The following ENTPD5 variants were observed in gnomAD, a reference collection of about 807,000 sequenced individuals.
ENTPD5 encodes nucleoside diphosphate phosphatase ENTPD5.
A neutral mutation model predicts 60.2 loss-of-function variants in ENTPD5; 49 were observed. The ratio of observed to expected loss-of-function variants is 0.81; its 90% CI spans 0.65 to 1.03. The LOEUF is 1.03. Among genes scored for constraint, ENTPD5 ranks in the 50% least tolerant of loss-of-function variants. The probability of loss-of-function intolerance (pLI) is 0.00; values close to 1 mark genes in which losing one functional copy is unlikely to be tolerated. For missense variants in ENTPD5, 480 were observed against 507.6 expected (o/e 0.95, Z 0.52); for synonymous variants, 187 against 185.4 (o/e 1.01, Z -0.07).
chr14:73,958,667 C>A, downstream of ENTPD5: 21 of 1,318,010 alleles, frequency 1.6e-5, no homozygotes, highest in Non-Finnish European at 2.0e-5. Flanking sequence ...AACTATTCAG[C>A]TCCAGTGTGT....
rs1198181027 is a variant in ENTPD5 at position 73,964,730 on chromosome 14, T to G, written c.*2198A>C. The G allele has an allele frequency of 6.6e-6, 1 of 152,226 alleles. No homozygotes were observed. Among genetic ancestry groups the G allele is most frequent in the Middle Eastern group, 3.2e-3 (1 of 316 alleles). 9.4% of individuals were successfully genotyped at this position (152,226 alleles called of 1,614,324 possible). On this transcript the variant is annotated 3_prime_UTR_variant, in exon 16 of 16. Coordinates refer to ENST00000334696, the MANE Select transcript of ENTPD5 (RefSeq NM_001249.5). ...TTGTTGACAAAGATGGGAAGGGGTC[T>G]AAAAGTCATGTCACTTATAAAAGAA...
downstream of ENTPD5, chr14:73,958,695 T>C: frequency 1.5e-6 from 2 of 1,355,864 alleles, no homozygotes; most frequent in Non-Finnish European, 1.9e-6. Flanking sequence ...ACTGAAACTT[T>C]CCTTATTGCT....
Position 74,015,832 on chromosome 14 carries a change from T to C in ENTPD5, c.-139A>G, listed in dbSNP as rs1201194796. The stretch of plus-strand genomic sequence containing the variant: ...GCTAGTGGAGATATTACCTTACATC[T>C]GGATACAAGTCCTACCTAACAGCAC... On this transcript the variant is annotated 5_prime_UTR_variant, in exon 2 of 16. Coordinates refer to ENST00000334696, the MANE Select transcript of ENTPD5 (RefSeq NM_001249.5). 1 of 152,172 alleles carries C rather than the reference T, an allele frequency of 6.6e-6. No homozygotes were observed. The highest frequency in any genetic ancestry group is 1.5e-5 in the Non-Finnish European group (1 of 68,042). 9.4% of individuals were successfully genotyped at this position (152,172 alleles called of 1,614,324 possible).
At chr14:73,986,584 C>T in intron 5 of ENTPD5, 1 of 524,208 alleles carries the variant, frequency 1.9e-6, no homozygotes, top group South Asian at 2.4e-5. Flanking sequence ...CTCTTAAAAG[C>T]TAGTGTCATC....
downstream of ENTPD5, chr14:73,960,056 G>C (rs2056640647): frequency 1.0e-6 from 1 of 1,003,502 alleles, no homozygotes; most frequent in Non-Finnish European, 1.2e-6. Context: ...ACAGCTGCCT[G>C]GGTGGTGGTT....
chr14:73,976,914 C>CT, intron 8 of ENTPD5, 110 bp downstream of exon 8: 1 of 1,061,034 alleles, frequency 9.4e-7, no homozygotes, highest in Non-Finnish European at 1.4e-6. Flanking sequence ...GCCTCTTTTC[C>CT]TTTTTTAAAG....
At position 74,005,364 on chromosome 14, in the gene ENTPD5, C is replaced by CAAAAAAAAAAA. The variant is rs35560902; in HGVS notation, c.-71+5726_-71+5727insTTTTTTTTTTT. ...TGGGTGAGAGAGCAAGACTCGGTCT[C>CAAAAAAAAAAA]AAAAAAAAAGAAAAGAAATATAGGC... On this transcript the variant is annotated intron_variant, in intron 3 of 15. Coordinates refer to ENST00000334696, the MANE Select transcript of ENTPD5 (RefSeq NM_001249.5). Among the ~76,000 whole-genome samples the CAAAAAAAAAAA allele has an allele frequency of 5.6e-4, 65 of 117,032 alleles. 7 individuals are homozygous for CAAAAAAAAAAA. Among genetic ancestry groups the CAAAAAAAAAAA allele is most frequent in the East Asian group, 1.0e-3 (3 of 2,960 alleles). The allele number at this position is 117,032 out of a possible 152,430, so 76.8% of individuals were successfully genotyped here.
At chr14:73,969,956 T>A in intron 15 of ENTPD5, 54 bp downstream of exon 15, 2 of 1,280,054 alleles carry the variant, frequency 1.6e-6, no homozygotes, top group Non-Finnish European at 2.3e-6. Context: ...TCTTACTCCT[T>A]CTCAACCCCC....
intron 6 of ENTPD5, among the ~76,000 whole-genome samples, chr14:73,982,398 T>A (rs1490008105): frequency 6.6e-6 from 1 of 152,108 alleles, no homozygotes; most frequent in African/African-American, 2.4e-5. Context: ...TTTTATTGTA[T>A]GTAAGTTTAT....
chr14:73,996,327 T>C (rs1365358148), intron 3 of ENTPD5: 1 of 309,842 alleles, frequency 3.2e-6, no homozygotes, highest in South Asian at 1.3e-4. Context: ...AATTCGTTCA[T>C]CTACTTTTAT....
chr14:73,974,773 G>A lies in ENTPD5; in HGVS notation c.784+151C>T, dbSNP rs1032319094. On this transcript the variant is annotated intron_variant, in intron 11 of 15. Coordinates refer to ENST00000334696, the MANE Select transcript of ENTPD5 (RefSeq NM_001249.5). ...TCTGAACTTATAAACTAGAAAAGGA[G>A]TTTGCCATTATTAGGTCCATTATAC... 1.8e-5 allele frequency: 12 copies of A among 671,230 alleles called. No homozygotes were observed. In the African/African-American group the frequency reaches 2.0e-4, roughly 11 times the overall value. The allele number at this position is 671,230 out of a possible 1,614,324, so 41.6% of individuals were successfully genotyped here. A position where few individuals can be genotyped will look rare whatever the true frequency, so the allele number is the denominator to read the frequency against.
intron 3 of ENTPD5, among the ~76,000 whole-genome samples, chr14:73,988,904 A>G (rs1049987601): frequency 2.0e-5 from 3 of 151,950 alleles, no homozygotes; most frequent in African/African-American, 7.3e-5. Flanking sequence ...GCTCACTGAA[A>G]CCTCTGCCTC....
intron 4 of ENTPD5, 43 bp downstream of exon 4, chr14:73,987,843 G>A (rs1206031162): frequency 6.3e-7 from 1 of 1,578,000 alleles, no homozygotes; most frequent in Non-Finnish European, 8.7e-7. Context: ...AGATGCTAAA[G>A]TGTGGATTTA....
intron 15 of ENTPD5, among the ~76,000 whole-genome samples, chr14:73,968,418 T>C (rs1157766414): frequency 7.9e-6 from 1 of 127,020 alleles, no homozygotes; most frequent in Non-Finnish European, 1.6e-5. Context: ...TTTATATTAC[T>C]GATACTCTTT....
rs141585218 is a variant in ENTPD5 at position 74,018,436 on chromosome 14, G to C, written c.-238+814C>G. The C allele has an allele frequency of 1.3e-4, 20 of 152,280 alleles. No homozygotes were observed. The East Asian group carries it at 3.9e-3, about 29-fold the overall frequency. 9.4% of individuals were successfully genotyped at this position (152,280 alleles called of 1,614,324 possible). On this transcript the variant is annotated intron_variant, in intron 1 of 15. Coordinates refer to ENST00000334696, the MANE Select transcript of ENTPD5 (RefSeq NM_001249.5). Reference sequence around the variant, plus strand: ...TAACAGAGCAGAGCTTCAACCACAAGTCTCCTAACTATTGGCTTGGCACTC... The same window carrying C: ...TAACAGAGCAGAGCTTCAACCACAACTCTCCTAACTATTGGCTTGGCACTC...
chr14:74,010,447 G>C (rs760418403), intron 3 of ENTPD5, among the ~76,000 whole-genome samples: 1 of 151,946 alleles, frequency 6.6e-6, no homozygotes, highest in Non-Finnish European at 1.5e-5. Context: ...CCAACTACTC[G>C]GGAGGCTGAG....
At chr14:73,975,915 C>T (rs370284564) in intron 10 of ENTPD5, 21 bp downstream of exon 10, 183 of 1,544,028 alleles carry the variant, frequency 1.2e-4, no homozygotes, top group Non-Finnish European at 1.6e-4. Context: ...AAATATTCTT[C>T]TTCCCTGTCC....
rs2057292091 is a variant in ENTPD5 at position 73,972,984 on chromosome 14, CCTCAGCACTTCGGCATAG to C, written c.909_926del (p.Cys303_Arg309delinsTrp). 6.2e-7 allele frequency: 1 copy of C among 1,614,226 alleles called. No individual in the cohort carries two copies. Among genetic ancestry groups the C allele is most frequent in the East Asian group, 2.2e-5 (1 of 44,886 alleles). On this transcript the variant is annotated inframe_deletion, in exon 13 of 16. Transcript: ENST00000334696. The stretch of plus-strand genomic sequence containing the variant: ...GCTGGTGAAGTTTTCCTCGTACCAC[CCTCAGCACTTCGGCATAG>C]CAGGGCTCAAAGCCCACCTCCCCTG...
At chr14:73,999,723 C>T (rs978530171) in intron 3 of ENTPD5, among the ~76,000 whole-genome samples, 3 of 151,874 alleles carry the variant, frequency 2.0e-5, no homozygotes, top group Non-Finnish European at 4.4e-5. Context: ...ACCTGGCAGG[C>T]GGAGGTTGCA....
Sources: allele counts gnomAD v4.1 joint callset (sites outside exome capture counted in the v4.1 genomes callset), GRCh38; gene constraint gnomAD v4.1.1; transcripts MANE v1.5; gene names NCBI Gene and HGNC (gene_info 2026-07-23, HGNC 2026-07-21).